DHRS12: variants seen among roughly 807,000 people sequenced by gnomAD.
DHRS12 encodes dehydrogenase/reductase SDR family member 12.
In DHRS12, 29 loss-of-function variants were observed where a neutral mutation model predicts 32.1. That is an observed-to-expected ratio of 0.90 (90% CI 0.67 to 1.23). The LOEUF (loss-of-function observed/expected upper bound fraction) is 1.23. Ranked by LOEUF, DHRS12 falls within the 50% of genes most tolerant of loss-of-function variation. The probability of loss-of-function intolerance (pLI) is 0.00; values close to 1 mark genes in which losing one functional copy is unlikely to be tolerated. For synonymous variants in DHRS12, 150 were observed against 135.9 expected, an observed-to-expected ratio of 1.10 and a Z score of -0.72; for missense variants, 330 against 337.2, an observed-to-expected ratio of 0.98 and a Z score of 0.17.
intron 3 of DHRS12, among the ~76,000 whole-genome samples, chr13:51,790,438 A>T (rs1566300293): frequency 6.6e-6 from 1 of 152,244 alleles, no homozygotes; most frequent in Non-Finnish European, 1.5e-5. Flanking sequence ...AGAAACTGGT[A>T]AAATTAATTT....
At chr13:51,802,704 C>T (rs1032215728) in intron 1 of DHRS12, among the ~76,000 whole-genome samples, 23 of 152,330 alleles carry the variant, frequency 1.5e-4, no homozygotes, top group Non-Finnish European at 2.5e-4. Flanking sequence ...TCTAACTCCG[C>T]GCTCTCACAC....
At chr13:51,787,414 G>T (rs980998813) in intron 4 of DHRS12, among the ~76,000 whole-genome samples, 1 of 151,890 alleles carries the variant, frequency 6.6e-6, no homozygotes, top group Non-Finnish European at 1.5e-5. Context: ...GCCTTCCCTG[G>T]CATAGCTGGT....
At chr13:51,770,511 A>C (rs941110955) in intron 7 of DHRS12, among the ~76,000 whole-genome samples, 2 of 152,242 alleles carry the variant, frequency 1.3e-5, no homozygotes, top group East Asian at 3.9e-4. Context: ...CACCCTGGAC[A>C]GGCAGAACCA....
At position 51,791,100 on chromosome 13, in the gene DHRS12, A is replaced by G; in HGVS notation, c.219+65T>C. ...GACAGGCAAACATACATATCCGTCC[A>G]CATCCACAGACGGAAACAATGGGCC... On this transcript the variant is annotated intron_variant, in intron 3 of 8. Transcript: ENST00000444610. 5.3e-6 allele frequency: 6 copies of G among 1,141,576 alleles called. No homozygotes were observed. In the South Asian group the frequency reaches 7.5e-5, roughly 14 times the overall value. 70.7% of individuals were successfully genotyped at this position (1,141,576 alleles called of 1,614,324 possible).
chr13:51,767,974 AAAG>A, downstream of DHRS12: 4 of 1,367,374 alleles, frequency 2.9e-6, no homozygotes, highest in South Asian at 7.3e-5. Flanking sequence ...TAAAATAAGA[AAAG>A]AACCTGCTGC....
At chr13:51,768,682 C>A in intron 8 of DHRS12, 2 of 1,130,306 alleles carry the variant, frequency 1.8e-6, no homozygotes, top group Non-Finnish European at 2.2e-6. Flanking sequence ...AGGTCAAGTG[C>A]TGTCTTCGGA....
At chr13:51,785,018 A>G (rs999878359) in intron 4 of DHRS12, among the ~76,000 whole-genome samples, 7 of 152,218 alleles carry the variant, frequency 4.6e-5, no homozygotes, top group Non-Finnish European at 7.3e-5. Context: ...ACCTGAAGTC[A>G]GGAGTTCAAG....
intron 5 of DHRS12, chr13:51,774,337 T>C (rs1325768018): frequency 6.6e-6 from 1 of 150,540 alleles, no homozygotes; most frequent in Non-Finnish European, 1.5e-5. Flanking sequence ...TCTCCTACAG[T>C]ATTCTCCTAC....
chr13:51,772,594 T>C (rs1954083512), intron 6 of DHRS12: 1 of 981,990 alleles, frequency 1.0e-6, no homozygotes, highest in Admixed American at 6.2e-5. Context: ...TTGCAGTATA[T>C]ATGAATTAAC....
intron 2 of DHRS12, among the ~76,000 whole-genome samples, chr13:51,795,812 G>T (rs894831581): frequency 6.6e-6 from 1 of 152,088 alleles, no homozygotes; most frequent in African/African-American, 2.4e-5. Context: ...GCCAAACCCA[G>T]CCAAAAGCTG....
chr13:51,774,087 T>G (rs1954186543), intron 5 of DHRS12, 53 bp from the exon 6 acceptor site: 3 of 1,541,966 alleles, frequency 1.9e-6, no homozygotes. Flanking sequence ...CCCCTTCCAC[T>G]CTTCACCCCC....
intron 5 of DHRS12, 200 bp from the exon 6 acceptor site, chr13:51,774,234 C>A (rs1289004512): frequency 2.7e-5 from 14 of 513,660 alleles, no homozygotes; most frequent in African/African-American, 4.2e-5. Context: ...TACATGTATT[C>A]TCCTACAGTA....
chr13:51,756,186 G>A, the DHRS12 span: 2 of 1,191,592 alleles, frequency 1.7e-6, no homozygotes, highest in Non-Finnish European at 2.3e-6. Flanking sequence ...CACATCCAAT[G>A]TGTTCCCTTT....
intron 4 of DHRS12, 105 bp downstream of exon 4, chr13:51,789,905 GC>G: frequency 7.1e-7 from 1 of 1,406,636 alleles, no homozygotes. Context: ...ACGTCATCAG[GC>G]CCAGGACCAA....
chr13:51,768,092 A>G lies in DHRS12; in HGVS notation c.*95T>C. The G allele has an allele frequency of 1.3e-6, 2 of 1,497,666 alleles. No homozygotes were observed. Among genetic ancestry groups the G allele is most frequent in the Non-Finnish European group, 1.8e-6 (2 of 1,128,422 alleles). The allele number at this position is 1,497,666 out of a possible 1,614,324, so 92.8% of individuals were successfully genotyped here. Reference sequence around the variant, plus strand: ...TGTGAGGCACAACGTCTTCGAGGGGAAGTTGAAGTGGGGTCTTCTTATTCA... The same window carrying G: ...TGTGAGGCACAACGTCTTCGAGGGGGAGTTGAAGTGGGGTCTTCTTATTCA... On this transcript the variant is annotated 3_prime_UTR_variant, in exon 9 of 9. Coordinates refer to ENST00000444610, the MANE Select transcript of DHRS12 (RefSeq NM_001377533.1).
downstream of DHRS12, chr13:51,767,889 G>A (rs553376954): frequency 4.2e-4 from 312 of 749,814 alleles, 2 homozygotes; most frequent in African/African-American, 4.9e-3. Flanking sequence ...CCACCCCTGC[G>A]TCCCCTAAGA....
At position 51,768,205 on chromosome 13, in the gene DHRS12, C is replaced by CAGCT. The variant is rs1566269140; in HGVS notation, c.785_788dup (p.Gln265GlyfsTer5). ...GGTTGGCCTATTTAAATGTCTGAGC[C>CAGCT]AGCTGTTCCAGGATTTCAATGAGTT... On this transcript the variant is annotated frameshift_variant, in exon 9 of 9. Transcript: ENST00000444610. LOFTEE classifies it high-confidence loss of function. The CAGCT allele has an allele frequency of 2.0e-6, 3 of 1,536,052 alleles. No homozygotes were observed. In the African/African-American group the frequency reaches 4.1e-5, roughly 21 times the overall value.
intron 6 of DHRS12, among the ~76,000 whole-genome samples, chr13:51,773,688 GAGAAACAC>G (rs1445372243): frequency 3.9e-5 from 6 of 152,132 alleles, no homozygotes; most frequent in Non-Finnish European, 8.8e-5. Context: ...GTGTGGGTCT[GAGAAACAC>G]CGAGAGGAGA....
intron 2 of DHRS12, among the ~76,000 whole-genome samples, chr13:51,795,760 C>A (rs1327311302): frequency 6.6e-6 from 1 of 152,188 alleles, no homozygotes; most frequent in East Asian, 1.9e-4. Context: ...TCAATTCCCC[C>A]CTTCCTTTCA....
Sources: gnomAD v4.1 joint callset for allele counts (sites outside exome capture counted in the v4.1 genomes callset) on GRCh38, gnomAD v4.1.1 for gene constraint, MANE v1.5 for transcripts, NCBI Gene and HGNC (gene_info 2026-07-23, HGNC 2026-07-21) for gene names.